NFATC2: variants seen among roughly 807,000 people sequenced by gnomAD.
NFATC2 encodes the protein nuclear factor of activated T-cells, cytoplasmic 2.
In NFATC2, 22 loss-of-function variants were observed where a neutral mutation model predicts 87.3. The ratio of observed to expected loss-of-function variants is 0.25; its 90% confidence interval spans 0.18 to 0.36. The LOEUF (loss-of-function observed/expected upper bound fraction) is 0.36, where lower values mean the gene tolerates loss of function less well. NFATC2 is among the 10% of genes least tolerant of loss of function. NFATC2 has a pLI of 1.00. For missense variants in NFATC2, 1,149 were observed against 1,259.1 expected, an observed-to-expected ratio of 0.91 and a Z score of 1.32; for synonymous variants, 565 against 542.2, an observed-to-expected ratio of 1.04 and a Z score of -0.58.
chr20:51,442,918 G>A (rs756575319), intron 6 of NFATC2, among the ~76,000 whole-genome samples: 13 of 152,050 alleles, frequency 8.5e-5, no homozygotes, highest in Non-Finnish European at 1.9e-4. Flanking sequence ...AGGCAGGGCC[G>A]AACATTCCAC....
At chr20:51,526,237 C>T (rs184302008) in intron 1 of NFATC2, among the ~76,000 whole-genome samples, 1 of 152,228 alleles carries the variant, frequency 6.6e-6, no homozygotes, top group Non-Finnish European at 1.5e-5. Context: ...TGCAGGCAAA[C>T]CACAGCCCAT....
chr20:51,436,399 T>TA (rs1208999048), intron 6 of NFATC2, among the ~76,000 whole-genome samples: 1 of 151,010 alleles, frequency 6.6e-6, no homozygotes, highest in Non-Finnish European at 1.5e-5. Flanking sequence ...TTCTATTTTT[T>TA]TTTTTTTTTT....
rs546361541 is a variant in NFATC2, at chr20:51,562,367, G to A, written c.70+193C>T. On this transcript the variant is annotated intron_variant, in intron 1 of 10. Coordinates refer to the NFATC2 transcript ENST00000414705. This position sits in a 1 kb window ranked among gnomAD's most constrained non-coding sequence, Gnocchi z 5.8. ...AAGTTGTCCAAAGTCGCCTTCCCAA[G>A]TGTCCCTTCCCTGGCCGGGGCGCGG... 2.0e-5 allele frequency among the ~76,000 whole-genome samples: 3 copies of A among 152,300 alleles called. No homozygotes were observed. The East Asian group carries it at 5.8e-4, about 30-fold the overall frequency.
intron 1 of NFATC2, among the ~76,000 whole-genome samples, chr20:51,557,450 C>T (rs1013139717): frequency 6.6e-6 from 1 of 152,166 alleles, no homozygotes; most frequent in Non-Finnish European, 1.5e-5. Flanking sequence ...TGGTGCCTGA[C>T]ACACGGTTGA....
chr20:51,501,359 A>C (rs1042401085), intron 3 of NFATC2, among the ~76,000 whole-genome samples: 1 of 152,204 alleles, frequency 6.6e-6, no homozygotes, highest in African/African-American at 2.4e-5. Context: ...GTCTTATAAA[A>C]GGCACTGAAA....
chr20:51,475,726 A>G (rs1988658587), intron 3 of NFATC2, 66 bp from the exon 4 acceptor site: 1 of 1,504,918 alleles, frequency 6.6e-7, no homozygotes, highest in Admixed American at 1.9e-5. Context: ...ATAAACAAAA[A>G]AAGACCAGAG....
chr20:51,431,603 T>C (rs1345808597), intron 9 of NFATC2, among the ~76,000 whole-genome samples: 1 of 152,192 alleles, frequency 6.6e-6, no homozygotes, highest in Non-Finnish European at 1.5e-5. Context: ...CAATGAGCTT[T>C]CTTCTTCCTT....
At chr20:51,493,397 G>A (rs1568686115) in intron 3 of NFATC2, among the ~76,000 whole-genome samples, 1 of 152,146 alleles carries the variant, frequency 6.6e-6, no homozygotes, top group Non-Finnish European at 1.5e-5. Context: ...ATAGAATGGG[G>A]ATTGGCGACC....
At chr20:51,466,660 T>A (rs1987716920) in intron 5 of NFATC2, among the ~76,000 whole-genome samples, 1 of 152,104 alleles carries the variant, frequency 6.6e-6, no homozygotes, top group South Asian at 2.1e-4. Context: ...TGACAGAATG[T>A]CTTTGCTACC....
chr20:51,481,703 C>T (rs1380685889), intron 3 of NFATC2, among the ~76,000 whole-genome samples: 1 of 152,060 alleles, frequency 6.6e-6, no homozygotes, highest in Admixed American at 6.6e-5. Context: ...CAACTGCAGG[C>T]TTGGGGGCAT....
intron 7 of NFATC2, among the ~76,000 whole-genome samples, 179 bp from the exon 8 acceptor site, chr20:51,435,493 T>C (rs1178769091): frequency 6.6e-6 from 1 of 152,066 alleles, no homozygotes; most frequent in African/African-American, 2.4e-5. Context: ...AAAATAATAC[T>C]CCATCAAAAT....
chr20:51,508,073 T>C (rs1293596794), intron 3 of NFATC2, among the ~76,000 whole-genome samples: 2 of 152,162 alleles, frequency 1.3e-5, no homozygotes, highest in African/African-American at 4.8e-5. Flanking sequence ...AGACTTAATC[T>C]CCCTTTTGGC....
intron 9 of NFATC2, among the ~76,000 whole-genome samples, chr20:51,424,350 C>A (rs1949255197): frequency 3.3e-5 from 5 of 152,148 alleles, no homozygotes; most frequent in Admixed American, 3.3e-4. Context: ...CCTAGCTCTG[C>A]CCCTGCCCCT....
chr20:51,478,093 A>C (rs1600829030), intron 3 of NFATC2, among the ~76,000 whole-genome samples: 1 of 152,266 alleles, frequency 6.6e-6, no homozygotes, highest in Admixed American at 6.5e-5. Flanking sequence ...AGAGGCTGGG[A>C]GTGGAACTGT....
intron 9 of NFATC2, among the ~76,000 whole-genome samples, chr20:51,429,696 A>G (rs1982407585): frequency 6.6e-6 from 1 of 152,218 alleles, no homozygotes; most frequent in African/African-American, 2.4e-5. Flanking sequence ...CTAGCAGGAT[A>G]AAGACTCTCA....
At chr20:51,410,618 GGGAA>G (rs1600678552) in intron 9 of NFATC2, among the ~76,000 whole-genome samples, 1 of 151,996 alleles carries the variant, frequency 6.6e-6, no homozygotes, top group East Asian at 1.9e-4. Context: ...GAGGAAGAGA[GGGAA>G]GGAAGGCAGT....
At position 51,524,202 on chromosome 20, in the gene NFATC2, C is replaced by T. The variant is rs1568727917; in HGVS notation, c.131-92G>A. On this transcript the variant is annotated intron_variant, in intron 1 of 10. Coordinates refer to ENST00000371564, the MANE Select transcript of NFATC2 (RefSeq NM_012340.5). This position sits in a 1 kb window ranked among gnomAD's most constrained non-coding sequence, Gnocchi z 4.0. ...TCACAGGCTGGATTTCGTCTCACGT[C>T]GTTTATTTTTTTCAAATTCCCACCA... 12 of 1,218,560 alleles carry T rather than the reference C, an allele frequency of 9.8e-6. No individual in the cohort carries two copies. The Admixed American group carries it at 1.4e-4, about 14-fold the overall frequency. 75.5% of individuals were successfully genotyped at this position (1,218,560 alleles called of 1,614,324 possible).
chr20:51,430,035 A>G (rs945820521), intron 9 of NFATC2, among the ~76,000 whole-genome samples: 1 of 152,094 alleles, frequency 6.6e-6, no homozygotes, highest in South Asian at 2.1e-4. Context: ...CGGCAAGGAC[A>G]TCTGTGGATC....
At chr20:51,482,706 T>C (rs1989367207) in intron 3 of NFATC2, among the ~76,000 whole-genome samples, 1 of 152,216 alleles carries the variant, frequency 6.6e-6, no homozygotes, top group Non-Finnish European at 1.5e-5. Context: ...TTTTGAAATA[T>C]AGACAATGAT....
Sources: gnomAD v4.1 joint callset for allele counts (sites outside exome capture counted in the v4.1 genomes callset) on GRCh38, gnomAD v4.1.1 for gene constraint, Gnocchi (gnomAD v3.1) non-coding constraint, MANE v1.5 for transcripts, NCBI Gene and HGNC (gene_info 2026-07-23, HGNC 2026-07-21) for gene names.